SULT1E1: variants seen among roughly 807,000 people sequenced by gnomAD.
SULT1E1 encodes sulfotransferase 1E1.
SULT1E1 carries 36 observed loss-of-function variants against 33.6 expected under a neutral mutation model. That is an observed-to-expected ratio of 1.07 (90% CI 0.82 to 1.41). The LOEUF (loss-of-function observed/expected upper bound fraction) is 1.41, where lower values mean the gene tolerates loss of function less well. Among genes scored for constraint, SULT1E1 ranks in the 40% most tolerant of loss-of-function variants. The probability of loss-of-function intolerance (pLI) is 0.00; values close to 1 mark genes in which losing one functional copy is unlikely to be tolerated. For synonymous variants in SULT1E1, 121 were observed against 111.7 expected (o/e 1.08, Z -0.53); for missense variants, 371 against 345.7 (o/e 1.07, Z -0.58).
chr4:69,828,435 T>C, the SULT1E1 span, among the ~76,000 whole-genome samples: 1 of 152,148 alleles, frequency 6.6e-6, no homozygotes, highest in South Asian at 2.1e-4. Flanking sequence ...ATGCCACCTC[T>C]AAGAGCTGTA....
chr4:69,856,872 T>C (rs1288282416), intron 2 of SULT1E1, among the ~76,000 whole-genome samples: 2 of 139,900 alleles, frequency 1.4e-5, no homozygotes, highest in African/African-American at 5.3e-5. Flanking sequence ...GGAGGCGGAG[T>C]TTGCAGTGAG....
At chr4:69,824,709 C>T in the SULT1E1 span, among the ~76,000 whole-genome samples, 1 of 150,864 alleles carries the variant, frequency 6.6e-6, no homozygotes, top group Non-Finnish European at 1.5e-5. Context: ...GTAAAGCACA[C>T]TAATCAGCAC....
chr4:69,828,666 A>G, the SULT1E1 span, among the ~76,000 whole-genome samples: 1 of 152,192 alleles, frequency 6.6e-6, no homozygotes, highest in Non-Finnish European at 1.5e-5. Context: ...ACACACTAGG[A>G]ACTCTCTTAT....
chr4:69,833,485 T>C, the SULT1E1 span, among the ~76,000 whole-genome samples: 27 of 152,206 alleles, frequency 1.8e-4, no homozygotes, highest in Non-Finnish European at 3.5e-4. Flanking sequence ...ACTGTCTGGT[T>C]CCTTCATAAA....
chr4:69,843,673 A>AT (rs1720922974), intron 7 of SULT1E1, among the ~76,000 whole-genome samples: 1 of 152,070 alleles, frequency 6.6e-6, no homozygotes, highest in Non-Finnish European at 1.5e-5. Flanking sequence ...ATATGTTGAT[A>AT]TTTTTTGCTA....
chr4:69,857,907 T>TA (rs746124299), intron 1 of SULT1E1, among the ~76,000 whole-genome samples: 1 of 152,082 alleles, frequency 6.6e-6, no homozygotes, highest in African/African-American at 2.4e-5. Flanking sequence ...TAAAACTAAA[T>TA]AAAAATGTGG....
downstream of SULT1E1, among the ~76,000 whole-genome samples, chr4:69,836,561 A>G (rs10213454): frequency 7.0e-3 from 1,071 of 152,314 alleles, 11 homozygotes; most frequent in South Asian, 0.023. Flanking sequence ...CTGGGGCCTT[A>G]TAATATTCAG....
At chr4:69,838,485 T>C (rs1720832142), downstream of SULT1E1, 1 of 152,220 alleles carries the variant, frequency 6.6e-6, no homozygotes, top group Admixed American at 6.5e-5. Flanking sequence ...GTCTTCTGGC[T>C]TACGAGGCTA....
chr4:69,844,840 C>T (rs1720942968), intron 6 of SULT1E1, among the ~76,000 whole-genome samples: 2 of 152,046 alleles, frequency 1.3e-5, no homozygotes, highest in South Asian at 4.1e-4. Flanking sequence ...ACAAACATCC[C>T]CATATCTGTG....
At chr4:69,844,108 C>T in intron 7 of SULT1E1, 53 bp downstream of exon 7, 2 of 1,576,066 alleles carry the variant, frequency 1.3e-6, no homozygotes, top group South Asian at 1.1e-5. Flanking sequence ...TTGCCTATAA[C>T]CATGTCACCT....
the SULT1E1 span, among the ~76,000 whole-genome samples, chr4:69,824,594 G>T: frequency 6.6e-6 from 1 of 152,120 alleles, no homozygotes; most frequent in African/African-American, 2.4e-5. Context: ...GTTCTTGGTC[G>T]GGTGGGGACT....
In SULT1E1 at chr4:69,857,621, A is replaced by T. The variant is rs770601297; in HGVS notation, c.24T>A (p.Tyr8Ter). Residue 8 changes from tyrosine to a stop codon, truncating the protein, a stop_gained, in exon 2 of 8, where the codon TAT becomes TAA. Coordinates refer to ENST00000226444, the MANE Select transcript of SULT1E1 (RefSeq NM_005420.3). LOFTEE classifies it high-confidence loss of function. The part of the protein sequence containing the change: MNSELDY[Y>*]EKFEEVHGIL... ...TCCCATGGACTTCTTCAAACTTTTC[A>T]TAATAGTCAAGTTCAGAATTCATTG... is the stretch of plus-strand genomic sequence containing the variant. 17 of 1,604,960 alleles carry T rather than the reference A, an allele frequency of 1.1e-5. No homozygotes were observed. In the South Asian group the frequency reaches 1.7e-4, roughly 16 times the overall value.
intron 6 of SULT1E1, among the ~76,000 whole-genome samples, chr4:69,845,526 TGTATGTG>T (rs1384931329): frequency 2.3e-4 from 35 of 151,462 alleles, no homozygotes; most frequent in African/African-American, 8.4e-4. Flanking sequence ...GCATCTCACA[TGTATGTG>T]TATATATATA....
downstream of SULT1E1, among the ~76,000 whole-genome samples, chr4:69,840,631 A>T (rs557687965): frequency 1.2e-3 from 185 of 152,338 alleles, 1 homozygote; most frequent in South Asian, 7.2e-3. Flanking sequence ...AATATTTCAA[A>T]CTAGCTGAAG....
the SULT1E1 span, among the ~76,000 whole-genome samples, chr4:69,833,062 T>C: frequency 2.3e-4 from 35 of 152,160 alleles, no homozygotes; most frequent in Non-Finnish European, 3.1e-4. Context: ...ATTTTTTTCT[T>C]TTAATTTTTA....
At chr4:69,849,310 G>T in intron 5 of SULT1E1, 127 bp downstream of exon 5, 1 of 1,184,688 alleles carries the variant, frequency 8.4e-7, no homozygotes, top group Non-Finnish European at 1.2e-6. Context: ...GGCGCCTTTA[G>T]ATTTCTGTGT....
chr4:69,821,705 G>C, the SULT1E1 span, among the ~76,000 whole-genome samples: 1 of 152,164 alleles, frequency 6.6e-6, no homozygotes, highest in African/African-American at 2.4e-5. Context: ...AGGCTACCCA[G>C]CTGTCCCTGG....
At chr4:69,825,599 G>A in the SULT1E1 span, among the ~76,000 whole-genome samples, 2 of 152,260 alleles carry the variant, frequency 1.3e-5, no homozygotes, top group Non-Finnish European at 2.9e-5. Context: ...AACAATCCCC[G>A]ACTCTCGGAG....
the SULT1E1 span, among the ~76,000 whole-genome samples, chr4:69,828,849 C>G: frequency 6.6e-6 from 1 of 152,160 alleles, no homozygotes; most frequent in Admixed American, 6.5e-5. Context: ...GTGCAGGAGT[C>G]CCCTGATAGC....
Sources: allele counts gnomAD v4.1 joint callset (sites outside exome capture counted in the v4.1 genomes callset), GRCh38; gene constraint gnomAD v4.1.1; transcripts MANE v1.5; gene names NCBI Gene and HGNC (gene_info 2026-07-23, HGNC 2026-07-21).